DCHS2: variants seen among roughly 807,000 people sequenced by gnomAD.
The protein encoded by DCHS2 is dachsous cadherin-related 2, also known as protocadherin-23.
DCHS2 carries 142 observed loss-of-function variants against 182.4 expected under a neutral mutation model. The ratio of observed to expected loss-of-function variants is 0.78; its 90% CI spans 0.68 to 0.89. The LOEUF (loss-of-function observed/expected upper bound fraction) is 0.89. Among genes scored for constraint, DCHS2 ranks in the 40% least tolerant of loss-of-function variants. The pLI is 0.00. For missense variants in DCHS2, 4,319 were observed against 4,198.6 expected (o/e 1.03, Z -0.79); for synonymous variants, 1,740 against 1,663.3 (o/e 1.05, Z -1.12).
intron 1 of DCHS2, among the ~76,000 whole-genome samples, chr4:154,485,735 A>G (rs1728559150): frequency 6.6e-6 from 1 of 152,238 alleles, no homozygotes; most frequent in Non-Finnish European, 1.5e-5. Flanking sequence ...TAGTACTTGT[A>G]TTTGAGGGAG....
In DCHS2 at chr4:154,234,394, T is replaced by A; in HGVS notation, c.*142A>T. 2.5e-6 allele frequency: 3 copies of A among 1,179,272 alleles called. No homozygotes were observed. Among genetic ancestry groups the A allele is most frequent in the Non-Finnish European group, 3.4e-6 (3 of 873,060 alleles). 73.1% of individuals were successfully genotyped at this position (1,179,272 alleles called of 1,614,324 possible). A position where few individuals can be genotyped will look rare whatever the true frequency, so the allele number is the denominator to read the frequency against. On this transcript the variant is annotated 3_prime_UTR_variant, in exon 20 of 20. Coordinates refer to ENST00000357232, the MANE Select transcript of DCHS2 (RefSeq NM_001358235.2). ...CTGGAAGAAATTGGAGAAACTTTAA[T>A]GGGGAAGTTTTAAAAACTCTAACTA...
At chr4:154,239,047 C>A in intron 19 of DCHS2, 123 bp downstream of exon 19, 1 of 1,301,858 alleles carries the variant, frequency 7.7e-7, no homozygotes, top group Non-Finnish European at 1.0e-6. Flanking sequence ...AACAGTCGTG[C>A]TTATAATTCC....
chr4:154,396,906 G>T (rs116009997), intron 1 of DCHS2, among the ~76,000 whole-genome samples: 2,360 of 152,184 alleles, frequency 0.016, 73 homozygotes, highest in African/African-American at 0.054. Context: ...TTCTGATAGT[G>T]ACCATCTCCT....
At chr4:154,400,275 C>T (rs1413893528) in intron 1 of DCHS2, among the ~76,000 whole-genome samples, 1 of 134,192 alleles carries the variant, frequency 7.5e-6, no homozygotes, top group Non-Finnish European at 1.5e-5. Flanking sequence ...TGCACTCCAG[C>T]CTGGGCAACA....
intron 1 of DCHS2, among the ~76,000 whole-genome samples, chr4:154,430,865 A>G (rs539865310): frequency 1.1e-3 from 169 of 152,318 alleles, no homozygotes; most frequent in African/African-American, 4.0e-3. Context: ...CACTTCTGAA[A>G]TAAATCAAGT....
chr4:154,417,202 TGTGAGAGAGA>T lies in DCHS2; in HGVS notation c.2053-39768_2053-39759del, dbSNP rs1397497620. Among the ~76,000 whole-genome samples the T allele has an allele frequency of 5.4e-3, 226 of 41,962 alleles. 1 individual carries two copies. The highest frequency in any genetic ancestry group is 0.011 in the East Asian group (12 of 1,078). The allele number at this position is 41,962 out of a possible 152,430, so 27.5% of individuals were successfully genotyped here. ...GTGTGTGTGTGTGTGTGTGTGTGTGTGTGAGAGAGAGAGAGAGAGAGAGAGAGAGAGAGAG... is the reference window on the plus strand; with the variant it reads ...GTGTGTGTGTGTGTGTGTGTGTGTGTGAGAGAGAGAGAGAGAGAGAGAGAG... On this transcript the variant is annotated intron_variant, in intron 1 of 19. Transcript: ENST00000357232.
intron 1 of DCHS2, among the ~76,000 whole-genome samples, chr4:154,427,931 A>G (rs1733398633): frequency 6.6e-6 from 1 of 152,378 alleles, no homozygotes; most frequent in South Asian, 2.1e-4. Context: ...CTATACATTG[A>G]GAGCAAACAA....
chr4:154,413,396 G>A (rs1732708353), intron 1 of DCHS2, among the ~76,000 whole-genome samples: 1 of 152,226 alleles, frequency 6.6e-6, no homozygotes, highest in African/African-American at 2.4e-5. Context: ...ATATTTTCAT[G>A]AATTTATTTT....
chr4:154,439,914 G>A (rs945760422), intron 1 of DCHS2, among the ~76,000 whole-genome samples: 3 of 152,224 alleles, frequency 2.0e-5, no homozygotes, highest in East Asian at 1.9e-4. Context: ...TACTACTGAG[G>A]TTTGCCACAT....
intron 1 of DCHS2, among the ~76,000 whole-genome samples, chr4:154,439,832 A>C (rs1733926759): frequency 1.3e-5 from 2 of 152,222 alleles, no homozygotes; most frequent in African/African-American, 4.8e-5. Context: ...ATTTCAAGAT[A>C]TCTGCAACAA....
At chr4:154,319,810 A>G (rs559804530) in intron 9 of DCHS2, among the ~76,000 whole-genome samples, 1 of 152,312 alleles carries the variant, frequency 6.6e-6, no homozygotes, top group African/African-American at 2.4e-5. Context: ...TAACTACCAT[A>G]TGGCCCAGCA....
At chr4:154,237,200 G>C in intron 19 of DCHS2, 41 bp from the exon 20 acceptor site, 2 of 1,546,562 alleles carry the variant, frequency 1.3e-6, no homozygotes, top group Non-Finnish European at 1.7e-6. Flanking sequence ...GTGAGGTGCA[G>C]TTTTGATGAT....
At chr4:154,468,723 T>A (rs557788740) in intron 1 of DCHS2, among the ~76,000 whole-genome samples, 1 of 152,312 alleles carries the variant, frequency 6.6e-6, no homozygotes, top group Non-Finnish European at 1.5e-5. Flanking sequence ...TATTCACTGA[T>A]TCCTTCTCTG....
At chr4:154,270,611 T>C (rs1040108862) in intron 13 of DCHS2, among the ~76,000 whole-genome samples, 2 of 151,724 alleles carry the variant, frequency 1.3e-5, no homozygotes, top group Admixed American at 1.3e-4. Flanking sequence ...TAAAATATGA[T>C]TTGCTTTTTA....
chr4:154,431,428 TTATA>T (rs929053948), intron 1 of DCHS2, among the ~76,000 whole-genome samples: 9 of 152,098 alleles, frequency 5.9e-5, no homozygotes, highest in African/African-American at 2.2e-4. Flanking sequence ...TTTTAGATAC[TTATA>T]TATATATTGT....
chr4:154,371,735 C>T (rs1217418669), intron 2 of DCHS2, among the ~76,000 whole-genome samples: 1 of 152,130 alleles, frequency 6.6e-6, no homozygotes, highest in Non-Finnish European at 1.5e-5. Context: ...AGCAAGACAT[C>T]TTAAGTGGTA....
At chr4:154,481,252 T>C (rs898669313) in intron 1 of DCHS2, among the ~76,000 whole-genome samples, 1 of 152,146 alleles carries the variant, frequency 6.6e-6, no homozygotes, top group African/African-American at 2.4e-5. Context: ...AACTGACTTT[T>C]ATTTTATTAT....
intron 8 of DCHS2, among the ~76,000 whole-genome samples, chr4:154,321,613 T>C (rs1467773261): frequency 1.3e-5 from 2 of 152,238 alleles, no homozygotes. Context: ...TACATTTAAG[T>C]ATCATATGTC....
intron 1 of DCHS2, among the ~76,000 whole-genome samples, chr4:154,389,036 T>C (rs1579037339): frequency 1.3e-5 from 2 of 152,170 alleles, no homozygotes; most frequent in East Asian, 3.9e-4. Flanking sequence ...CAGTAAATAT[T>C]TTAGGCTGCA....
Sources: allele counts gnomAD v4.1 joint callset (sites outside exome capture counted in the v4.1 genomes callset), GRCh38; gene constraint gnomAD v4.1.1; transcripts MANE v1.5; gene names NCBI Gene and HGNC (gene_info 2026-07-23, HGNC 2026-07-21).